The following CAMKMT variants were observed in gnomAD, a reference collection of about 807,000 sequenced individuals.
CAMKMT encodes the protein CaM KMT.
Under a neutral mutation model 48.0 loss-of-function variants are expected in CAMKMT, and 53 were observed. The ratio of observed to expected loss-of-function variants is 1.10; its 90% CI spans 0.89 to 1.39. The LOEUF is 1.39. Ranked by LOEUF, CAMKMT falls within the 40% of genes most tolerant of loss-of-function variation. The pLI, the probability that CAMKMT is intolerant of heterozygous loss-of-function variation, is 0.00. For missense variants in CAMKMT, 428 were observed against 402.7 expected, an observed-to-expected ratio of 1.06 and a Z score of -0.54; for synonymous variants, 165 against 152.3, an observed-to-expected ratio of 1.08 and a Z score of -0.61.
chr2:44,725,142 A>ATGTG (rs1558820037), intron 7 of CAMKMT, among the ~76,000 whole-genome samples: 3 of 58,924 alleles, frequency 5.1e-5, no homozygotes, highest in African/African-American at 9.1e-5. Flanking sequence ...TGCTTTCTGG[A>ATGTG]CGTGTGTGTG....
chr2:44,469,978 C>G (rs1359973518), intron 3 of CAMKMT, among the ~76,000 whole-genome samples: 1 of 151,460 alleles, frequency 6.6e-6, no homozygotes, highest in Non-Finnish European at 1.5e-5. Flanking sequence ...TTCTTAATTT[C>G]TTCTAGCTTG....
intron 3 of CAMKMT, among the ~76,000 whole-genome samples, chr2:44,522,839 T>C (rs369523950): frequency 1.6e-4 from 24 of 152,330 alleles, no homozygotes; most frequent in African/African-American, 5.3e-4. Context: ...TCTGACATTT[T>C]ATTATGGGGA....
chr2:44,514,548 G>C (rs923509651), intron 3 of CAMKMT, among the ~76,000 whole-genome samples: 1 of 152,098 alleles, frequency 6.6e-6, no homozygotes, highest in East Asian at 1.9e-4. Flanking sequence ...ATGCTACATG[G>C]ATTAATCAAG....
chr2:44,677,533 C>T (rs1675777851), intron 3 of CAMKMT, among the ~76,000 whole-genome samples: 1 of 152,150 alleles, frequency 6.6e-6, no homozygotes, highest in South Asian at 2.1e-4. Context: ...TATGGCAAAA[C>T]CCTATCTCTA....
chr2:44,585,213 T>C (rs1432802067), intron 3 of CAMKMT, among the ~76,000 whole-genome samples: 1 of 152,202 alleles, frequency 6.6e-6, no homozygotes, highest in Non-Finnish European at 1.5e-5. Flanking sequence ...AACAATCAAT[T>C]AGTCACCACA....
chr2:44,430,786 A>G (rs2104535929), intron 3 of CAMKMT, among the ~76,000 whole-genome samples: 1 of 152,332 alleles, frequency 6.6e-6, no homozygotes, highest in South Asian at 2.1e-4. Flanking sequence ...GTAAATGACC[A>G]GTGAAATAAA....
chr2:44,592,102 C>T (rs1049294980), intron 3 of CAMKMT, among the ~76,000 whole-genome samples: 156 of 151,890 alleles, frequency 1.0e-3, no homozygotes, highest in Admixed American at 1.8e-3. Flanking sequence ...TTAGGAGATA[C>T]ACCTAATGCT....
At chr2:44,717,544 CA>C (rs1678236589) in intron 7 of CAMKMT, among the ~76,000 whole-genome samples, 1 of 152,106 alleles carries the variant, frequency 6.6e-6, no homozygotes, top group Non-Finnish European at 1.5e-5. Context: ...AAAAGGAAGC[CA>C]TTCACAAAAG....
rs1677906311 is a variant in CAMKMT, at chr2:44,362,059, G to T, written c.52G>T (p.Gly18Cys). 8.3e-6 allele frequency: 12 copies of T among 1,441,408 alleles called. No homozygotes were observed. The highest frequency in any genetic ancestry group is 2.0e-4 in the Middle Eastern group (1 of 4,912). 89.3% of individuals were successfully genotyped at this position (1,441,408 alleles called of 1,614,324 possible). A position where few individuals can be genotyped will look rare whatever the true frequency, so the allele number is the denominator to read the frequency against. The change falls in exon 1 of 11, where the codon GGC (glycine) becomes TGC (cysteine). Residue 18 changes from glycine (G) to cysteine (C), a missense_variant. Gly to Cys is a radical substitution (Grantham distance 159, BLOSUM62 -3). Coordinates refer to ENST00000378494, the MANE Select transcript of CAMKMT (RefSeq NM_024766.5). ...AGTGETARAAGGSPAVGCTTR... is the reference protein window; with the variant it reads ...AGTGETARAACGSPAVGCTTR... ...GACCGGCGAGACCGCGCGAGCAGCG[G>T]GCGGGAGTCCGGCAGTTGGCTGCAC...
intron 3 of CAMKMT, among the ~76,000 whole-genome samples, chr2:44,530,442 C>G (rs1476256373): frequency 6.6e-6 from 1 of 152,140 alleles, no homozygotes; most frequent in Non-Finnish European, 1.5e-5. Flanking sequence ...ATTCATTTAG[C>G]TCTTAAGGCA....
At chr2:44,425,003 A>T (rs189796967) in intron 3 of CAMKMT, among the ~76,000 whole-genome samples, 277 of 152,334 alleles carry the variant, frequency 1.8e-3, no homozygotes, top group African/African-American at 6.0e-3. Flanking sequence ...TGAAACAAAA[A>T]AGTACCCGTT....
intron 10 of CAMKMT, among the ~76,000 whole-genome samples, chr2:44,768,946 C>G (rs976099921): frequency 8.5e-5 from 13 of 152,280 alleles, no homozygotes; most frequent in Middle Eastern, 3.4e-3. Context: ...TAATGCCGCT[C>G]TTTTCCGCTG....
At chr2:44,391,775 C>CT (rs1280054479) in intron 3 of CAMKMT, 3 of 153,080 alleles carry the variant, frequency 2.0e-5, no homozygotes, top group Non-Finnish European at 4.4e-5. Flanking sequence ...TTAGCCTTCT[C>CT]TAACATTTTT....
At chr2:44,578,490 T>A (rs1442952689) in intron 3 of CAMKMT, among the ~76,000 whole-genome samples, 1 of 152,072 alleles carries the variant, frequency 6.6e-6, no homozygotes, top group Non-Finnish European at 1.5e-5. Context: ...GGTTGTAATG[T>A]GTTACTGAGG....
intron 3 of CAMKMT, among the ~76,000 whole-genome samples, chr2:44,613,679 C>T (rs1671717746): frequency 6.6e-6 from 1 of 152,140 alleles, no homozygotes; most frequent in African/African-American, 2.4e-5. Flanking sequence ...GTTCTAAGTA[C>T]TTCTCATATA....
intron 3 of CAMKMT, among the ~76,000 whole-genome samples, chr2:44,498,117 G>C (rs1407888642): frequency 1.3e-5 from 2 of 152,150 alleles, no homozygotes; most frequent in East Asian, 3.8e-4. Flanking sequence ...GGGAGTTCAA[G>C]TATGTGTCTA....
At chr2:44,559,536 A>G (rs1013746827) in intron 3 of CAMKMT, among the ~76,000 whole-genome samples, 2 of 139,324 alleles carry the variant, frequency 1.4e-5, no homozygotes, top group African/African-American at 2.5e-5. Context: ...AAGAATTTCT[A>G]TTTTACATAA....
rs1664425391 is a variant in CAMKMT, at chr2:44,772,524, C to T, written c.*411C>T. 6.4e-6 allele frequency: 1 copy of T among 157,150 alleles called. No individual in the cohort carries two copies. The highest frequency in any genetic ancestry group is 1.4e-5 in the Non-Finnish European group (1 of 73,094). The allele number at this position is 157,150 out of a possible 1,614,324, so 9.7% of individuals were successfully genotyped here. A position where few individuals can be genotyped will look rare whatever the true frequency, so the allele number is the denominator to read the frequency against. ...GTGGTGGTAGTTTTTAATCAGTAAA[C>T]CCAGCAAATATCATGATTCTTTCCT... On this transcript the variant is annotated 3_prime_UTR_variant, in exon 11 of 11. Transcript: ENST00000378494.
At chr2:44,490,326 A>G (rs1669428361) in intron 3 of CAMKMT, among the ~76,000 whole-genome samples, 1 of 151,520 alleles carries the variant, frequency 6.6e-6, no homozygotes, top group Admixed American at 6.6e-5. Context: ...CCCAGACTGG[A>G]GTGCAATGGC....
Sources: gnomAD v4.1 joint callset for allele counts (sites outside exome capture counted in the v4.1 genomes callset) on GRCh38, gnomAD v4.1.1 for gene constraint, MANE v1.5 for transcripts, NCBI Gene and HGNC (gene_info 2026-07-23, HGNC 2026-07-21) for gene names.